TBC1D22A: variants seen among roughly 807,000 people sequenced by gnomAD.
TBC1D22A encodes the protein TBC1 domain family member 22A.
In TBC1D22A, 38 loss-of-function variants were observed where a neutral mutation model predicts 60.2. The observed-to-expected ratio is 0.63, with a 90% CI of 0.49 to 0.83. TBC1D22A has a LOEUF of 0.83. TBC1D22A is among the 40% of genes least tolerant of loss of function. The pLI, the probability that TBC1D22A is intolerant of heterozygous loss-of-function variation, is 0.00. For missense variants in TBC1D22A, 628 were observed against 701.0 expected (o/e 0.90, Z 1.18); for synonymous variants, 302 against 281.7 (o/e 1.07, Z -0.72).
chr22:47,169,712 G>C (rs879874717), intron 12 of TBC1D22A, among the ~76,000 whole-genome samples: 7 of 152,206 alleles, frequency 4.6e-5, no homozygotes, highest in Non-Finnish European at 8.8e-5. Context: ...CCCAGGGACC[G>C]GGGGAGGGAC....
intron 11 of TBC1D22A, among the ~76,000 whole-genome samples, chr22:47,049,117 C>T (rs1221495631): frequency 6.6e-6 from 1 of 152,230 alleles, no homozygotes; most frequent in East Asian, 1.9e-4. Context: ...CACCTGGGTC[C>T]CCAGTGTGGC....
chr22:46,872,840 G>A (rs1220230981), intron 4 of TBC1D22A, among the ~76,000 whole-genome samples: 1 of 152,158 alleles, frequency 6.6e-6, no homozygotes, highest in Non-Finnish European at 1.5e-5. Flanking sequence ...GAGTAGGGTG[G>A]GATTCTATGA....
intron 4 of TBC1D22A, among the ~76,000 whole-genome samples, chr22:46,842,207 A>G (rs555260665): frequency 6.6e-6 from 1 of 152,368 alleles, no homozygotes; most frequent in African/African-American, 2.4e-5. Flanking sequence ...CAGAGCTGAA[A>G]TAACAAGCTG....
rs573660540 is a variant in TBC1D22A at position 47,131,498 on chromosome 22, G to A, written c.1425+19895G>A. Among the ~76,000 whole-genome samples, 32 of 152,358 alleles carry A rather than the reference G, an allele frequency of 2.1e-4. No individual in the cohort carries two copies. The South Asian group carries it at 2.9e-3, about 14-fold the overall frequency. Reference sequence around the variant, plus strand: ...CTCTGCGGCTGCTCCAGCCACAGGAGTGTTCCCCCTGCCCCCTGTGGGCTC... The same window carrying A: ...CTCTGCGGCTGCTCCAGCCACAGGAATGTTCCCCCTGCCCCCTGTGGGCTC... On this transcript the variant is annotated intron_variant, in intron 12 of 12. Coordinates refer to ENST00000337137, the MANE Select transcript of TBC1D22A (RefSeq NM_014346.5).
rs140557091 is a variant in TBC1D22A at position 47,074,197 on chromosome 22, G to A, written c.1329+36999G>A. Among the ~76,000 whole-genome samples, 88 of 152,350 alleles carry A rather than the reference G, an allele frequency of 5.8e-4. 1 individual carries two copies. Among genetic ancestry groups the A allele is most frequent in the Middle Eastern group, 6.8e-3 (2 of 294 alleles). On this transcript the variant is annotated intron_variant, in intron 11 of 12. Coordinates refer to ENST00000337137, the MANE Select transcript of TBC1D22A (RefSeq NM_014346.5). ...TCCAAGGCAATGAAGCAATGATGTG[G>A]ACGATGCGTGTCCTAATCCGGAGCG... is the stretch of plus-strand genomic sequence containing the variant.
intron 11 of TBC1D22A, among the ~76,000 whole-genome samples, chr22:47,099,625 A>G (rs925931573): frequency 6.6e-6 from 1 of 151,832 alleles, no homozygotes; most frequent in African/African-American, 2.4e-5. Context: ...TTGTATTTTT[A>G]GTAGAGATGG....
chr22:47,109,525 C>T (rs1225579015), intron 11 of TBC1D22A, among the ~76,000 whole-genome samples: 2 of 152,130 alleles, frequency 1.3e-5, no homozygotes, highest in Non-Finnish European at 2.9e-5. Context: ...ATTTCTGGCC[C>T]GAATCACTAG....
At chr22:47,042,663 C>A (rs1037156638) in intron 11 of TBC1D22A, among the ~76,000 whole-genome samples, 1 of 152,194 alleles carries the variant, frequency 6.6e-6, no homozygotes. Flanking sequence ...AGCCTCCAAG[C>A]ATGTTGAATG....
intron 11 of TBC1D22A, among the ~76,000 whole-genome samples, chr22:47,046,309 C>T (rs1279380089): frequency 1.3e-5 from 2 of 152,208 alleles, no homozygotes; most frequent in Non-Finnish European, 2.9e-5. Flanking sequence ...AGATGTGCTG[C>T]TTTGCCCTCG....
chr22:47,044,162 C>T (rs892198466), intron 11 of TBC1D22A, among the ~76,000 whole-genome samples: 3 of 152,222 alleles, frequency 2.0e-5, no homozygotes, highest in Non-Finnish European at 4.4e-5. Flanking sequence ...TCAGGCCCTG[C>T]CCTTCCCTGC....
At chr22:46,893,836 G>A (rs940623577) in intron 6 of TBC1D22A, among the ~76,000 whole-genome samples, 4 of 152,362 alleles carry the variant, frequency 2.6e-5, no homozygotes, top group South Asian at 2.1e-4. Context: ...ACAGATGTGT[G>A]TGTGTGCCTC....
At chr22:46,978,244 A>G (rs1048796396) in intron 9 of TBC1D22A, among the ~76,000 whole-genome samples, 5 of 152,220 alleles carry the variant, frequency 3.3e-5, no homozygotes, top group Non-Finnish European at 5.9e-5. Flanking sequence ...TACAAACATT[A>G]TTGAAGAGCT....
chr22:46,781,140 G>GTTTT (rs377531996), intron 1 of TBC1D22A, among the ~76,000 whole-genome samples: 7 of 128,964 alleles, frequency 5.4e-5, no homozygotes, highest in Non-Finnish European at 8.0e-5. Flanking sequence ...TCCCAATTTT[G>GTTTT]TTTTTTTTTT....
At chr22:47,115,019 A>G (rs2065981146) in intron 12 of TBC1D22A, among the ~76,000 whole-genome samples, 1 of 87,884 alleles carries the variant, frequency 1.1e-5, no homozygotes, top group African/African-American at 4.5e-5. Flanking sequence ...GGGCTCGGGG[A>G]GCAGGGAGTG....
At chr22:46,971,541 A>G (rs2074058792) in intron 8 of TBC1D22A, among the ~76,000 whole-genome samples, 1 of 152,144 alleles carries the variant, frequency 6.6e-6, no homozygotes, top group African/African-American at 2.4e-5. Context: ...TTCTGCCCAA[A>G]CTGTTTTCCC....
At chr22:47,007,171 T>C (rs2061620759) in intron 10 of TBC1D22A, among the ~76,000 whole-genome samples, 1 of 152,096 alleles carries the variant, frequency 6.6e-6, no homozygotes, top group African/African-American at 2.4e-5. Flanking sequence ...GTCCCAAAGC[T>C]CCTGGGTCCC....
chr22:46,952,476 A>G (rs772451852), intron 8 of TBC1D22A, among the ~76,000 whole-genome samples: 66 of 152,120 alleles, frequency 4.3e-4, no homozygotes, highest in Non-Finnish European at 8.5e-4. Context: ...CAAATGTTAT[A>G]TCTCTGTACG....
intron 9 of TBC1D22A, among the ~76,000 whole-genome samples, chr22:46,979,239 G>T (rs2074420378): frequency 6.6e-6 from 1 of 152,212 alleles, no homozygotes; most frequent in Non-Finnish European, 1.5e-5. Flanking sequence ...ATAAGAAGCA[G>T]CTGTCAGGCC....
intron 4 of TBC1D22A, among the ~76,000 whole-genome samples, chr22:46,832,165 A>C (rs1436476918): frequency 6.6e-6 from 1 of 152,184 alleles, no homozygotes; most frequent in Admixed American, 6.5e-5. Context: ...TGTATCTGAG[A>C]GACAGTCCAT....
Sources: allele counts gnomAD v4.1 joint callset (sites outside exome capture counted in the v4.1 genomes callset), GRCh38; gene constraint gnomAD v4.1.1; transcripts MANE v1.5; gene names NCBI Gene and HGNC (gene_info 2026-07-23, HGNC 2026-07-21).